The following DRD5 variants were observed in gnomAD, a reference collection of about 807,000 sequenced individuals.
DRD5 encodes D(1B) dopamine receptor.
For missense variants in DRD5, 758 were observed against 657.8 expected (o/e 1.15, Z -1.67); for synonymous variants, 327 against 277.1 (o/e 1.18, Z -1.79).
In DRD5 at chr4:9,783,120, A is replaced by G. The variant is rs754942134; in HGVS notation, c.1091A>G (p.Asp364Gly). The G allele has an allele frequency of 1.2e-5, 20 of 1,614,178 alleles. No homozygotes were observed. The South Asian group carries it at 1.5e-4, about 12-fold the overall frequency. Residue 364 changes from aspartate (D) to glycine (G), a missense_variant, in exon 1 of 1, where the codon GAC becomes GGC. Asp to Gly is a moderately conservative substitution (Grantham distance 94, BLOSUM62 -1). Coordinates refer to ENST00000304374, the MANE Select transcript of DRD5 (RefSeq NM_000798.5). ...CCCGTCATCTATGCCTTCAACGCCG[A>G]CTTTCAGAAGGTGTTTGCCCAGCTG... ...LNPVIYAFNA[D>G]FQKVFAQLLG...
At position 9,782,119 on chromosome 4, in the gene DRD5, G is replaced by A; in HGVS notation, c.90G>A (p.Ser30=). The stretch of plus-strand genomic sequence containing the variant: ...CGCAGGGGAACGCCGTGGGGGGCTC[G>A]GCGGGGGCACCGCCACTGGGGCCCT... The part of the protein sequence containing the change: ...QLAQGNAVGG[S]AGAPPLGPSQ... The change falls in exon 1 of 1, where the codon TCG becomes TCA. Residue 30 remains serine, a synonymous_variant. Transcript: ENST00000304374. 6.5e-7 allele frequency: 1 copy of A among 1,546,582 alleles called. No homozygotes were observed. The highest frequency in any genetic ancestry group is 8.7e-7 in the Non-Finnish European group (1 of 1,146,384).
chr4:9,783,084 C>T lies in DRD5; in HGVS notation c.1055C>T (p.Ser352Phe), dbSNP rs748400899. The change falls in exon 1 of 1, where the codon TCC becomes TTC. Residue 352 changes from serine (S) to phenylalanine (F), a missense_variant. Coordinates refer to ENST00000304374, the MANE Select transcript of DRD5 (RefSeq NM_000798.5). ...DVFVWFGWAN[S>F]SLNPVIYAFN... ...TTCGTCTGGTTCGGCTGGGCTAACT[C>T]CTCACTCAACCCCGTCATCTATGCC... The T allele has an allele frequency of 5.6e-6, 9 of 1,614,208 alleles. No homozygotes were observed. Among genetic ancestry groups the T allele is most frequent in the Non-Finnish European group, 6.8e-6 (8 of 1,180,044 alleles).
chr4:9,781,825 C>G lies in DRD5; in HGVS notation c.-205C>G, dbSNP rs1451226625. 2.2e-6 allele frequency: 1 copy of G among 444,638 alleles called. No individual in the cohort carries two copies. 27.5% of individuals were successfully genotyped at this position (444,638 alleles called of 1,614,324 possible). On this transcript the variant is annotated 5_prime_UTR_variant, in exon 1 of 1. Transcript: ENST00000304374. Reference sequence around the variant, plus strand: ...TCGCGGAGACTGGAGGGGCGCACCACGGCCATGGAGCCAGAGGCGCTTCAG... The same window carrying G: ...TCGCGGAGACTGGAGGGGCGCACCAGGGCCATGGAGCCAGAGGCGCTTCAG...
In DRD5 at chr4:9,783,496, T is replaced by C. The variant is rs775082292; in HGVS notation, c.*33T>C. 3 of 1,563,296 alleles carry C rather than the reference T, an allele frequency of 1.9e-6. No homozygotes were observed. The highest frequency in any genetic ancestry group is 1.7e-4 in the Middle Eastern group (1 of 5,788). ...TAAGAAACCCCCTCATGGATCTGCATAACCGCACAGACATTGACAAGCACG... is the reference window on the plus strand; with the variant it reads ...TAAGAAACCCCCTCATGGATCTGCACAACCGCACAGACATTGACAAGCACG... On this transcript the variant is annotated 3_prime_UTR_variant, in exon 1 of 1. Coordinates refer to ENST00000304374, the MANE Select transcript of DRD5 (RefSeq NM_000798.5).
rs774074172 is a variant in DRD5 at position 9,782,769 on chromosome 4, G to T, written c.740G>T (p.Arg247Leu). ...PVAIMIVTYT[R>L]IYRIAQVQIR... is the part of the protein sequence containing the mutation. ...GCCATCATGATCGTGACCTACACGC[G>T]CATCTACCGCATCGCCCAGGTGCAG... is the stretch of plus-strand genomic sequence containing the variant. The change falls in exon 1 of 1, where the codon CGC becomes CTC. Residue 247 changes from arginine to leucine, a missense_variant. Coordinates refer to ENST00000304374, the MANE Select transcript of DRD5 (RefSeq NM_000798.5). 4 of 1,613,986 alleles carry T rather than the reference G, an allele frequency of 2.5e-6. No homozygotes were observed. The highest frequency in any genetic ancestry group is 3.4e-6 in the Non-Finnish European group (4 of 1,179,868).
Position 9,783,117 on chromosome 4 carries a change from C to A in DRD5, c.1088C>A (p.Ala363Asp). ...SLNPVIYAFNADFQKVFAQLL... is the reference protein window; with the variant it reads ...SLNPVIYAFNDDFQKVFAQLL... Reference sequence around the variant, plus strand: ...AACCCCGTCATCTATGCCTTCAACGCCGACTTTCAGAAGGTGTTTGCCCAG... The same window carrying A: ...AACCCCGTCATCTATGCCTTCAACGACGACTTTCAGAAGGTGTTTGCCCAG... Residue 363 changes from alanine to aspartate, a missense_variant, in exon 1 of 1, where the codon GCC becomes GAC. Ala to Asp is a moderately radical substitution (Grantham distance 126, BLOSUM62 -2). Coordinates refer to ENST00000304374, the MANE Select transcript of DRD5 (RefSeq NM_000798.5). 1 of 1,614,252 alleles carries A rather than the reference C, an allele frequency of 6.2e-7. No individual in the cohort carries two copies.
Position 9,783,689 on chromosome 4 carries a change from C to T in DRD5, c.*226C>T. ...ATGTACCCAGCCTACCAGAGATGGA[C>T]CAACGATCCTATGAGAGAAGAGAGT... On this transcript the variant is annotated 3_prime_UTR_variant, in exon 1 of 1. Coordinates refer to ENST00000304374, the MANE Select transcript of DRD5 (RefSeq NM_000798.5). 2 of 549,108 alleles carry T rather than the reference C, an allele frequency of 3.6e-6. No homozygotes were observed. Among genetic ancestry groups the T allele is most frequent in the East Asian group, 3.1e-5 (1 of 32,208 alleles). The allele number at this position is 549,108 out of a possible 1,614,324, so 34.0% of individuals were successfully genotyped here. A position where few individuals can be genotyped will look rare whatever the true frequency, so the allele number is the denominator to read the frequency against.
Position 9,782,759 on chromosome 4 carries a change from A to G in DRD5, c.730A>G (p.Thr244Ala), listed in dbSNP as rs1560112212. The change falls in exon 1 of 1, where the codon ACC becomes GCC. Residue 244 changes from threonine (T) to alanine (A), a missense_variant. Thr to Ala is a moderately conservative substitution (Grantham distance 58, BLOSUM62 0). Coordinates refer to ENST00000304374, the MANE Select transcript of DRD5 (RefSeq NM_000798.5). ...FYIPVAIMIV[T>A]YTRIYRIAQV... ...CATCCCCGTTGCCATCATGATCGTG[A>G]CCTACACGCGCATCTACCGCATCGC... 8 of 1,613,894 alleles carry G rather than the reference A, an allele frequency of 5.0e-6. No homozygotes were observed. Among genetic ancestry groups the G allele is most frequent in the Non-Finnish European group, 5.9e-6 (7 of 1,179,844 alleles).
At position 9,782,935 on chromosome 4, in the gene DRD5, G is replaced by A; in HGVS notation, c.906G>A (p.Met302Ile). Reference sequence around the variant, plus strand: ...TTCTCAAGACCCTGTCGGTGATCATGGGGGTCTTCGTGTGTTGCTGGCTGC... The same window carrying A: ...TTCTCAAGACCCTGTCGGTGATCATAGGGGTCTTCGTGTGTTGCTGGCTGC... Reference protein sequence around the residue: ...TKVLKTLSVIMGVFVCCWLPF... With the variant: ...TKVLKTLSVIIGVFVCCWLPF... The change falls in exon 1 of 1, where the codon ATG (methionine) becomes ATA (isoleucine). Residue 302 changes from methionine to isoleucine, a missense_variant. Coordinates refer to ENST00000304374, the MANE Select transcript of DRD5 (RefSeq NM_000798.5). 6.2e-7 allele frequency: 1 copy of A among 1,613,944 alleles called. No individual in the cohort carries two copies. The highest frequency in any genetic ancestry group is 8.5e-7 in the Non-Finnish European group (1 of 1,179,962).
chr4:9,782,349 G>T lies in DRD5; in HGVS notation c.320G>T (p.Trp107Leu). The T allele has an allele frequency of 6.2e-7, 1 of 1,614,046 alleles. No individual in the cohort carries two copies. The highest frequency in any genetic ancestry group is 1.3e-5 in the African/African-American group (1 of 75,070). Residue 107 changes from tryptophan (W) to leucine (L), a missense_variant, in exon 1 of 1, where the codon TGG becomes TTG. By Grantham distance (61) the Trp-to-Leu change is moderately conservative (BLOSUM62 -2). Coordinates refer to ENST00000304374, the MANE Select transcript of DRD5 (RefSeq NM_000798.5). ...GCAGTCGCCGAGGTGGCCGGTTACT[G>T]GCCCTTTGGAGCGTTCTGCGACGTC... ...WKAVAEVAGY[W>L]PFGAFCDVWV...
rs749843986 is a variant in DRD5, at chr4:9,783,267, T to G, written c.1238T>G (p.Met413Arg). ...HKEIAAAYIH[M>R]MPNAVTPGNR... Reference sequence around the variant, plus strand: ...GAAATCGCAGCTGCCTACATCCACATGATGCCCAACGCCGTTACCCCCGGC... The same window carrying G: ...GAAATCGCAGCTGCCTACATCCACAGGATGCCCAACGCCGTTACCCCCGGC... The change falls in exon 1 of 1, where the codon ATG becomes AGG. Residue 413 changes from methionine (M) to arginine (R), a missense_variant. By Grantham distance (91) the Met-to-Arg change is moderately conservative (BLOSUM62 -1). Coordinates refer to ENST00000304374, the MANE Select transcript of DRD5 (RefSeq NM_000798.5). 1 of 1,614,164 alleles carries G rather than the reference T, an allele frequency of 6.2e-7. No homozygotes were observed. The highest frequency in any genetic ancestry group is 8.5e-7 in the Non-Finnish European group (1 of 1,180,030).
Position 9,782,450 on chromosome 4 carries a change from G to T in DRD5, c.421G>T (p.Ala141Ser), listed in dbSNP as rs763394332. ...LCVISVDRYW[A>S]ISRPFRYKRK... ...CGTCATCAGCGTGGACCGCTACTGGGCCATCTCCAGGCCCTTCCGCTACAA... is the reference window on the plus strand; with the variant it reads ...CGTCATCAGCGTGGACCGCTACTGGTCCATCTCCAGGCCCTTCCGCTACAA... Residue 141 changes from alanine (A) to serine (S), a missense_variant, in exon 1 of 1, where the codon GCC becomes TCC. Physicochemically the swap from Ala to Ser is moderately conservative, Grantham distance 99. Coordinates refer to ENST00000304374, the MANE Select transcript of DRD5 (RefSeq NM_000798.5). 6.2e-7 allele frequency: 1 copy of T among 1,613,988 alleles called. No homozygotes were observed. Among genetic ancestry groups the T allele is most frequent in the Non-Finnish European group, 8.5e-7 (1 of 1,179,838 alleles).
At position 9,781,900 on chromosome 4, in the gene DRD5, G is replaced by T; in HGVS notation, c.-130G>T. ...TCCGCAGCCCGGCGCAGCTCATGGT[G>T]AGCGCCCTCTGGGGCTCGAGGGTCC... On this transcript the variant is annotated 5_prime_UTR_variant, in exon 1 of 1. The change abolishes the stop of an existing upstream ORF in the 5' untranslated region. Transcript: ENST00000304374. 1 of 799,678 alleles carries T rather than the reference G, an allele frequency of 1.3e-6. No homozygotes were observed. Among genetic ancestry groups the T allele is most frequent in the South Asian group, 2.7e-5 (1 of 37,436 alleles). 49.5% of individuals were successfully genotyped at this position (799,678 alleles called of 1,614,324 possible).
At position 9,783,031 on chromosome 4, in the gene DRD5, C is replaced by T. The variant is rs1363474836; in HGVS notation, c.1002C>T (p.Pro334=). ...GHPEGPPAGF[P]CVSETTFDVF... The stretch of plus-strand genomic sequence containing the variant: ...CCGAAGGCCCTCCGGCCGGCTTCCC[C>T]TGCGTCAGTGAGACCACCTTCGACG... Residue 334 remains proline, a synonymous_variant, in exon 1 of 1, where the codon CCC becomes CCT. Coordinates refer to ENST00000304374, the MANE Select transcript of DRD5 (RefSeq NM_000798.5). The T allele has an allele frequency of 1.2e-6, 2 of 1,614,130 alleles. No individual in the cohort carries two copies. The highest frequency in any genetic ancestry group is 1.3e-5 in the African/African-American group (1 of 74,950).
chr4:9,782,110 G>T lies in DRD5; in HGVS notation c.81G>T (p.Val27=). Residue 27 remains valine (V), a synonymous_variant, in exon 1 of 1, where the codon GTG becomes GTT. Coordinates refer to ENST00000304374, the MANE Select transcript of DRD5 (RefSeq NM_000798.5). ...AGCAGCTGGCGCAGGGGAACGCCGT[G>T]GGGGGCTCGGCGGGGGCACCGCCAC... ...LYQQLAQGNA[V]GGSAGAPPLG... The T allele has an allele frequency of 1.3e-6, 2 of 1,546,486 alleles. No individual in the cohort carries two copies. The highest frequency in any genetic ancestry group is 2.3e-5 in the East Asian group (1 of 43,660).
rs1252796500 is a variant in DRD5 at position 9,782,666 on chromosome 4, A to G, written c.637A>G (p.Asn213Asp). The G allele has an allele frequency of 6.2e-7, 1 of 1,613,974 alleles. No homozygotes were observed. The highest frequency in any genetic ancestry group is 1.7e-5 in the Admixed American group (1 of 60,018). Residue 213 changes from asparagine (N) to aspartate (D), a missense_variant, in exon 1 of 1, where the codon AAT becomes GAT. Transcript: ENST00000304374. ...GGAGGACTTTTGGGAGCCCGACGTG[A>G]ATGCAGAGAACTGTGACTCCAGCCT... ...WEEDFWEPDV[N>D]AENCDSSLNR...
Position 9,783,304 on chromosome 4 carries a change from G to C in DRD5, c.1275G>C (p.Val425=). Residue 425 remains valine, a synonymous_variant, in exon 1 of 1, where the codon GTG becomes GTC. Transcript: ENST00000304374. Reference sequence around the variant, plus strand: ...CCGTTACCCCCGGCAACCGGGAGGTGGACAACGACGAGGAGGAGGGTCCTT... The same window carrying C: ...CCGTTACCCCCGGCAACCGGGAGGTCGACAACGACGAGGAGGAGGGTCCTT... The part of the protein sequence containing the change: ...PNAVTPGNRE[V]DNDEEEGPFD... 6.2e-7 allele frequency: 1 copy of C among 1,614,214 alleles called. No homozygotes were observed. The highest frequency in any genetic ancestry group is 8.5e-7 in the Non-Finnish European group (1 of 1,180,044).
In DRD5 at chr4:9,783,824, G is replaced by A. The variant is rs779761982; in HGVS notation, c.*361G>A. 1.8e-5 allele frequency: 4 copies of A among 218,770 alleles called. No homozygotes were observed. The highest frequency in any genetic ancestry group is 3.0e-5 in the Non-Finnish European group (3 of 100,646). 13.6% of individuals were successfully genotyped at this position (218,770 alleles called of 1,614,324 possible). A position where few individuals can be genotyped will look rare whatever the true frequency, so the allele number is the denominator to read the frequency against. ...TCAGTCACTTGTTTGTGTTTGAATTGATTTTTAAACAGCAGGTTGTGTGTG... is the reference window on the plus strand; with the variant it reads ...TCAGTCACTTGTTTGTGTTTGAATTAATTTTTAAACAGCAGGTTGTGTGTG... On this transcript the variant is annotated 3_prime_UTR_variant, in exon 1 of 1. Transcript: ENST00000304374.
chr4:9,782,478 G>C lies in DRD5; in HGVS notation c.449G>C (p.Arg150Pro). 1 of 1,613,946 alleles carries C rather than the reference G, an allele frequency of 6.2e-7. No individual in the cohort carries two copies. The highest frequency in any genetic ancestry group is 8.5e-7 in the Non-Finnish European group (1 of 1,179,820). ...ATCTCCAGGCCCTTCCGCTACAAGCGCAAGATGACTCAGCGCATGGCCTTG... is the reference window on the plus strand; with the variant it reads ...ATCTCCAGGCCCTTCCGCTACAAGCCCAAGATGACTCAGCGCATGGCCTTG... ...WAISRPFRYK[R>P]KMTQRMALVM... The change falls in exon 1 of 1, where the codon CGC (arginine) becomes CCC (proline). Residue 150 changes from arginine (R) to proline (P), a missense_variant. Transcript: ENST00000304374.
Sources: allele counts gnomAD v4.1 joint callset, GRCh38; gene constraint gnomAD v4.1.1; transcripts MANE v1.5; gene names NCBI Gene and HGNC (gene_info 2026-07-23, HGNC 2026-07-21).